Variants in SV2B observed in about 807,000 individuals in gnomAD.
SV2B encodes synaptic vesicle glycoprotein 2B.
A neutral mutation model predicts 73.9 loss-of-function variants in SV2B; 41 were observed. The observed-to-expected ratio is 0.56, with a 90% CI of 0.43 to 0.72. The LOEUF (loss-of-function observed/expected upper bound fraction) is 0.72, where lower values mean the gene tolerates loss of function less well. Among genes scored for constraint, SV2B ranks in the 30% least tolerant of loss-of-function variants. The pLI is 0.00. For synonymous variants in SV2B, 314 were observed against 314.2 expected, an observed-to-expected ratio of 1.00 and a Z score of 0.01; for missense variants, 764 against 857.8, an observed-to-expected ratio of 0.89 and a Z score of 1.37.
intron 1 of SV2B, among the ~76,000 whole-genome samples, chr15:91,120,965 A>T (rs2042318594): frequency 6.6e-6 from 1 of 152,292 alleles, no homozygotes; most frequent in African/African-American, 2.4e-5. Context: ...GAGCTGCAGC[A>T]CCCACTCAAG....
At chr15:91,282,719 C>G (rs553360973) in intron 10 of SV2B, among the ~76,000 whole-genome samples, 2 of 152,158 alleles carry the variant, frequency 1.3e-5, no homozygotes, top group African/African-American at 4.8e-5. Context: ...CAGATCTATG[C>G]TTTATTCTTG....
At chr15:91,131,147 G>GTTTTTT (rs56130189) in intron 1 of SV2B, among the ~76,000 whole-genome samples, 36 of 118,050 alleles carry the variant, frequency 3.0e-4, no homozygotes, top group African/African-American at 1.1e-3. Flanking sequence ...ATGTTTTCTT[G>GTTTTTT]TTTTTTTTTT....
At chr15:91,169,674 CA>C (rs1356897088) in intron 1 of SV2B, among the ~76,000 whole-genome samples, 4 of 152,118 alleles carry the variant, frequency 2.6e-5, no homozygotes, top group African/African-American at 9.7e-5. Context: ...AGACAAGAAA[CA>C]AGTAACTGAT....
chr15:91,247,847 G>A lies in SV2B; in HGVS notation c.452-3972G>A, dbSNP rs140658695. Among the ~76,000 whole-genome samples the A allele has an allele frequency of 3.5e-3, 539 of 152,280 alleles. 4 individuals are homozygous for A. The highest frequency in any genetic ancestry group is 0.012 in the African/African-American group (505 of 41,542). On this transcript the variant is annotated intron_variant, in intron 2 of 12. Transcript: ENST00000394232. ...TTGTGGACCAAGTAAGGTCTAGGAG[G>A]GTGGCTTTGGAGCTGAGGGACAATA... is the stretch of plus-strand genomic sequence containing the variant.
intron 5 of SV2B, among the ~76,000 whole-genome samples, chr15:91,259,590 G>C (rs781631569): frequency 4.6e-5 from 7 of 152,316 alleles, no homozygotes; most frequent in Non-Finnish European, 8.8e-5. Context: ...CAGTTTCAGA[G>C]GCTTGAAGTC....
In SV2B at chr15:91,289,470, G is replaced by A. The variant is rs2048968387; in HGVS notation, c.1709-51G>A. ...GGCAAGAACTGTGAGTGACAGCCAT[G>A]TGCAAGACACAGGCCTCATGTTTCT... On this transcript the variant is annotated intron_variant, in intron 11 of 12. Coordinates refer to ENST00000394232, the MANE Select transcript of SV2B (RefSeq NM_001323032.3). This position sits in a 1 kb window ranked among gnomAD's most constrained non-coding sequence, Gnocchi z 4.9. 1.9e-6 allele frequency: 3 copies of A among 1,612,194 alleles called. No individual in the cohort carries two copies. The highest frequency in any genetic ancestry group is 2.5e-6 in the Non-Finnish European group (3 of 1,178,668).
In SV2B at chr15:91,289,505, T is replaced by G. The variant is rs908375785; in HGVS notation, c.1709-16T>G. ...CAGGCCTCATGTTTCTTTTTGCCCTTGAACTCCCTCTGCAGGTGGCTCCAT... is the reference window on the plus strand; with the variant it reads ...CAGGCCTCATGTTTCTTTTTGCCCTGGAACTCCCTCTGCAGGTGGCTCCAT... On this transcript the variant is annotated splice_polypyrimidine_tract_variant and intron_variant, in intron 11 of 12. Coordinates refer to ENST00000394232, the MANE Select transcript of SV2B (RefSeq NM_001323032.3). The surrounding 1 kb of genome is among the most constrained non-coding windows in gnomAD (Gnocchi z 4.9). The G allele has an allele frequency of 1.9e-6, 3 of 1,614,142 alleles. No homozygotes were observed. Among genetic ancestry groups the G allele is most frequent in the Non-Finnish European group, 1.7e-6 (2 of 1,180,008 alleles).
intron 1 of SV2B, among the ~76,000 whole-genome samples, chr15:91,218,748 C>G (rs1387965020): frequency 6.6e-6 from 1 of 152,120 alleles, no homozygotes; most frequent in Non-Finnish European, 1.5e-5. Context: ...CCCTGACTCA[C>G]TGGGGTGAAT....
rs1340059016 is a variant in SV2B at position 91,178,703 on chromosome 15, G to A, written c.-391-47170G>A. On this transcript the variant is annotated intron_variant, in intron 1 of 12. Coordinates refer to ENST00000394232, the MANE Select transcript of SV2B (RefSeq NM_001323032.3). ...GTAGAGGTGTTTGTAGTATTCTCTG[G>A]TGGTAGTTCGTATTTCTGTGGGATC... Among the ~76,000 whole-genome samples, 8 of 151,034 alleles carry A rather than the reference G, an allele frequency of 5.3e-5. No individual in the cohort carries two copies. The East Asian group carries it at 7.8e-4, about 15-fold the overall frequency.
Position 91,242,224 on chromosome 15 carries a change from C to T in SV2B, c.452-9595C>T, listed in dbSNP as rs1431891619. 6.6e-6 allele frequency among the ~76,000 whole-genome samples: 1 copy of T among 152,224 alleles called. No homozygotes were observed. Among genetic ancestry groups the T allele is most frequent in the African/African-American group, 2.4e-5 (1 of 41,454 alleles). On this transcript the variant is annotated intron_variant, in intron 2 of 12. Transcript: ENST00000394232. This position sits in a 1 kb window ranked among gnomAD's most constrained non-coding sequence, Gnocchi z 4.9. ...TTCTTGTTCTCCATCACTGGTCTCT[C>T]TTCATATTCCTGGCCTTTAAATGTT...
At position 91,265,493 on chromosome 15, in the gene SV2B, A is replaced by G. The variant is rs545409276; in HGVS notation, c.1009-1089A>G. Among the ~76,000 whole-genome samples, 10 of 152,360 alleles carry G rather than the reference A, an allele frequency of 6.6e-5. No homozygotes were observed. Among genetic ancestry groups the G allele is most frequent in the African/African-American group, 2.4e-4 (10 of 41,582 alleles). ...ATTTTCCCCAAGGAGCAAAGAAAGGAAAAACTGACATTTGAGAGGATATCT... is the reference window on the plus strand; with the variant it reads ...ATTTTCCCCAAGGAGCAAAGAAAGGGAAAACTGACATTTGAGAGGATATCT... On this transcript the variant is annotated intron_variant, in intron 6 of 12. Transcript: ENST00000394232. The surrounding 1 kb of genome is among the most constrained non-coding windows in gnomAD (Gnocchi z 4.2).
Position 91,299,285 on chromosome 15 carries a change from G to A in SV2B, c.*6733G>A, listed in dbSNP as rs2049359304. 1 of 152,084 alleles carries A rather than the reference G, an allele frequency of 6.6e-6. No individual in the cohort carries two copies. Among genetic ancestry groups the A allele is most frequent in the Admixed American group, 6.6e-5 (1 of 15,254 alleles). 9.4% of individuals were successfully genotyped at this position (152,084 alleles called of 1,614,324 possible). On this transcript the variant is annotated 3_prime_UTR_variant, in exon 13 of 13. Transcript: ENST00000394232. ...ATTGATGAGCAAATTACAAATGACT[G>A]TTTTTTATTAAAACATTCCTCCAAA...
Position 91,229,098 on chromosome 15 carries a change from G to A in SV2B, c.451+2384G>A, listed in dbSNP as rs1195520582. On this transcript the variant is annotated intron_variant, in intron 2 of 12. Coordinates refer to ENST00000394232, the MANE Select transcript of SV2B (RefSeq NM_001323032.3). This position sits in a 1 kb window ranked among gnomAD's most constrained non-coding sequence, Gnocchi z 4.3. Reference sequence around the variant, plus strand: ...TTCTCTCACGCCTCGTTTGTGGGAAGGAGGTCATGCCGTGCACAGGCTGCT... The same window carrying A: ...TTCTCTCACGCCTCGTTTGTGGGAAAGAGGTCATGCCGTGCACAGGCTGCT... Among the ~76,000 whole-genome samples, 2 of 152,224 alleles carry A rather than the reference G, an allele frequency of 1.3e-5. No homozygotes were observed. Among genetic ancestry groups the A allele is most frequent in the Admixed American group, 1.3e-4 (2 of 15,288 alleles).
chr15:91,237,780 C>T (rs988746741), intron 2 of SV2B, among the ~76,000 whole-genome samples: 1 of 152,172 alleles, frequency 6.6e-6, no homozygotes, highest in Non-Finnish European at 1.5e-5. Flanking sequence ...TGGCTTCCTT[C>T]CTGTATTTGC....
intron 1 of SV2B, among the ~76,000 whole-genome samples, chr15:91,133,506 A>G (rs2042720493): frequency 6.6e-6 from 1 of 152,148 alleles, no homozygotes; most frequent in Admixed American, 6.5e-5. Context: ...AGGTAGGCAC[A>G]AATAGCACAT....
At chr15:91,249,075 C>T (rs1417509734) in intron 2 of SV2B, among the ~76,000 whole-genome samples, 308 of 23,188 alleles carry the variant, frequency 0.013, 1 homozygote, top group African/African-American at 0.03. Context: ...TTTTCACACA[C>T]ACACACACAC....
chr15:91,276,838 T>A (rs2048509331), intron 9 of SV2B, among the ~76,000 whole-genome samples: 2 of 132,878 alleles, frequency 1.5e-5, no homozygotes, highest in African/African-American at 6.8e-5. Flanking sequence ...TATTATTATT[T>A]GAGACAGAGT....
At chr15:91,158,383 A>G (rs1263606566) in intron 1 of SV2B, among the ~76,000 whole-genome samples, 1 of 152,106 alleles carries the variant, frequency 6.6e-6, no homozygotes. Context: ...GGACCCTTGA[A>G]TGAATGAATG....
intron 2 of SV2B, among the ~76,000 whole-genome samples, chr15:91,247,355 C>T (rs1198006538): frequency 6.6e-6 from 1 of 152,182 alleles, no homozygotes; most frequent in East Asian, 1.9e-4. Flanking sequence ...GTCTAGGTGT[C>T]TAGATCAGTC....
Sources: gnomAD v4.1 joint callset for allele counts (sites outside exome capture counted in the v4.1 genomes callset) on GRCh38, gnomAD v4.1.1 for gene constraint, Gnocchi (gnomAD v3.1) non-coding constraint, MANE v1.5 for transcripts, NCBI Gene and HGNC (gene_info 2026-07-23, HGNC 2026-07-21) for gene names.